Variants in PRAG1 observed in about 807,000 individuals in gnomAD.
The protein encoded by PRAG1 is inactive tyrosine-protein kinase PRAG1.
In PRAG1, 110 loss-of-function variants were observed where a neutral mutation model predicts 95.6. The observed-to-expected ratio is 1.15, with a 90% CI of 0.99 to 1.35. The LOEUF (loss-of-function observed/expected upper bound fraction) is 1.35, where lower values mean the gene tolerates loss of function less well. Ranked by LOEUF, PRAG1 falls within the 40% of genes most tolerant of loss-of-function variation. PRAG1 has a pLI of 0.00. For synonymous variants in PRAG1, 1,052 were observed against 819.4 expected, an observed-to-expected ratio of 1.28 and a Z score of -4.85; for missense variants, 2,554 against 1,864.7, an observed-to-expected ratio of 1.37 and a Z score of -6.81.
At chr8:8,370,043 T>C (rs1051667516) in intron 3 of PRAG1, among the ~76,000 whole-genome samples, 3 of 152,208 alleles carry the variant, frequency 2.0e-5, no homozygotes, top group African/African-American at 4.8e-5. Flanking sequence ...TTAATAGATA[T>C]CTGATAAATT....
chr8:8,377,705 T>G lies in PRAG1; in HGVS notation c.704A>C (p.Glu235Ala), dbSNP rs1800469440. ...PGPLRESLPS[E>A]DDSDQRCSPS... is the part of the protein sequence containing the mutation. ...CGAGCACCTTTGATCACTGTCATCC[T>G]CCGAGGGCAGGGATTCCCGCAGGGG... The change falls in exon 3 of 6, where the codon GAG becomes GCG. Residue 235 changes from glutamate to alanine, a missense_variant. By Grantham distance (107) the Glu-to-Ala change is moderately radical. Coordinates refer to ENST00000615670, the MANE Select transcript of PRAG1 (RefSeq NM_001080826.3). 2 of 1,613,762 alleles carry G rather than the reference T, an allele frequency of 1.2e-6. No homozygotes were observed. Among genetic ancestry groups the G allele is most frequent in the South Asian group, 2.2e-5 (2 of 91,076 alleles).
chr8:8,358,826 C>A (rs887151543), intron 3 of PRAG1, among the ~76,000 whole-genome samples: 1 of 152,132 alleles, frequency 6.6e-6, no homozygotes, highest in Admixed American at 6.5e-5. Flanking sequence ...TAAGCTTAGC[C>A]CAATTGGCTA....
intron 3 of PRAG1, among the ~76,000 whole-genome samples, chr8:8,372,567 G>A (rs756795362): frequency 6.6e-6 from 1 of 152,186 alleles, no homozygotes; most frequent in Non-Finnish European, 1.5e-5. Context: ...TACCCGCCTG[G>A]GTTGGAGGGT....
At chr8:8,352,361 A>G (rs1208859505) in intron 3 of PRAG1, among the ~76,000 whole-genome samples, 1 of 152,146 alleles carries the variant, frequency 6.6e-6, no homozygotes, top group Non-Finnish European at 1.5e-5. Flanking sequence ...AGCATTTTCC[A>G]TCCTCATTCC....
At chr8:8,383,346 C>T (rs898483122) in intron 1 of PRAG1, among the ~76,000 whole-genome samples, 7 of 152,034 alleles carry the variant, frequency 4.6e-5, no homozygotes, top group East Asian at 3.9e-4. Context: ...CGAGGCAGGA[C>T]GATCGCTTGA....
At chr8:8,322,159 T>A (rs1798490906) in intron 5 of PRAG1, among the ~76,000 whole-genome samples, 1 of 152,138 alleles carries the variant, frequency 6.6e-6, no homozygotes, top group South Asian at 2.1e-4. Context: ...CCATTTTATT[T>A]TATATATATA....
chr8:8,360,677 A>G (rs1193826687), intron 3 of PRAG1, among the ~76,000 whole-genome samples: 1 of 152,232 alleles, frequency 6.6e-6, no homozygotes, highest in Non-Finnish European at 1.5e-5. Flanking sequence ...TCCTTGCCCA[A>G]GGGGGCTTTC....
intron 4 of PRAG1, among the ~76,000 whole-genome samples, chr8:8,330,315 G>A (rs1258094811): frequency 2.0e-5 from 3 of 152,178 alleles, no homozygotes; most frequent in South Asian, 2.1e-4. Context: ...GCAGTGAGCC[G>A]AGACTGTGCC....
chr8:8,325,827 C>T (rs1324507347), intron 5 of PRAG1, among the ~76,000 whole-genome samples: 1 of 151,818 alleles, frequency 6.6e-6, no homozygotes, highest in African/African-American at 2.4e-5. Context: ...GCAGGAGAAT[C>T]GCTTGAACCC....
At chr8:8,363,151 A>C (rs1799898112) in intron 3 of PRAG1, among the ~76,000 whole-genome samples, 2 of 150,562 alleles carry the variant, frequency 1.3e-5, no homozygotes, top group Admixed American at 1.3e-4. Flanking sequence ...ATGACTATAT[A>C]AGGTTTAACA....
chr8:8,347,248 G>GACTT (rs1369369271), intron 3 of PRAG1, among the ~76,000 whole-genome samples: 8 of 152,174 alleles, frequency 5.3e-5, no homozygotes, highest in Admixed American at 5.2e-4. Flanking sequence ...TTCCCAAGGG[G>GACTT]CAGCCCTTGG....
At chr8:8,342,725 A>G (rs752423201) in intron 3 of PRAG1, among the ~76,000 whole-genome samples, 17 of 152,232 alleles carry the variant, frequency 1.1e-4, no homozygotes, top group Non-Finnish European at 2.2e-4. Flanking sequence ...TGAAGAAAAA[A>G]AGAAAGTAGA....
intron 3 of PRAG1, among the ~76,000 whole-genome samples, chr8:8,353,834 G>T (rs1799601275): frequency 6.6e-6 from 1 of 151,910 alleles, no homozygotes; most frequent in African/African-American, 2.4e-5. Flanking sequence ...AGAAAAAGAA[G>T]AAGAAGAAGA....
intron 3 of PRAG1, among the ~76,000 whole-genome samples, chr8:8,364,103 G>A (rs1412563455): frequency 1.3e-5 from 2 of 152,202 alleles, no homozygotes; most frequent in Non-Finnish European, 2.9e-5. Context: ...ACTCAGGAAT[G>A]AAGGTTGTGG....
intron 4 of PRAG1, among the ~76,000 whole-genome samples, chr8:8,332,978 C>T (rs1476773637): frequency 6.6e-6 from 1 of 152,160 alleles, no homozygotes; most frequent in African/African-American, 2.4e-5. Context: ...AAAATACTTC[C>T]GAGTTCACAG....
rs1464583869 is a variant in PRAG1, at chr8:8,318,277, A to G, written c.4098T>C (p.Phe1366=). 6.2e-7 allele frequency: 1 copy of G among 1,614,062 alleles called. No homozygotes were observed. Among genetic ancestry groups the G allele is most frequent in the Non-Finnish European group, 8.5e-7 (1 of 1,179,998 alleles). Residue 1366 remains phenylalanine (F), a synonymous_variant, in exon 6 of 6, where the codon TTT becomes TTC. Coordinates refer to ENST00000615670, the MANE Select transcript of PRAG1 (RefSeq NM_001080826.3). This position sits in a 1 kb window ranked among gnomAD's most constrained non-coding sequence, Gnocchi z 4.2. ...DMKRALMMMK[F]AEKAVDRRRG... ...GCCTGCGATCCACCGCCTTCTCCGC[A>G]AACTTCATCATCATCAGGGCCCGCT... is the stretch of plus-strand genomic sequence containing the variant.
chr8:8,345,586 T>A (rs1225759317), intron 3 of PRAG1, among the ~76,000 whole-genome samples: 1 of 151,296 alleles, frequency 6.6e-6, no homozygotes, highest in African/African-American at 2.4e-5. Flanking sequence ...AGGCCAGGAG[T>A]TCGAGACCAC....
chr8:8,355,187 T>C (rs972698702), intron 3 of PRAG1, among the ~76,000 whole-genome samples: 1 of 151,840 alleles, frequency 6.6e-6, no homozygotes, highest in African/African-American at 2.4e-5. Context: ...CATAAAAAAT[T>C]AGGAATAAAT....
Position 8,376,855 on chromosome 8 carries a change from C to G in PRAG1, c.1554G>C (p.Ser518=). ...QNSEVGEEET[S]AGQGLSSRES... is the part of the protein sequence containing the mutation. ...CCCTGGAGCTCAGCCCCTGCCCAGC[C>G]GAAGTCTCCTCTTCACCTACCTCGG... The change falls in exon 3 of 6, where the codon TCG becomes TCC. Residue 518 remains serine, a synonymous_variant. Coordinates refer to ENST00000615670, the MANE Select transcript of PRAG1 (RefSeq NM_001080826.3). The G allele has an allele frequency of 4.3e-6, 7 of 1,613,076 alleles. No homozygotes were observed. Among genetic ancestry groups the G allele is most frequent in the Non-Finnish European group, 5.9e-6 (7 of 1,180,012 alleles).
Sources: allele counts gnomAD v4.1 joint callset (sites outside exome capture counted in the v4.1 genomes callset), GRCh38; gene constraint gnomAD v4.1.1; non-coding constraint Gnocchi (gnomAD v3.1); transcripts MANE v1.5; gene names NCBI Gene and HGNC (gene_info 2026-07-23, HGNC 2026-07-21).